The following NONO variants were observed in gnomAD, a reference collection of about 807,000 sequenced individuals.
The protein encoded by NONO is non-POU domain containing octamer binding, also known as non-POU domain-containing octamer-binding protein.
Under a neutral mutation model 40.2 loss-of-function variants are expected in NONO, and 6 were observed. That is an observed-to-expected ratio of 0.15 (90% CI 0.08 to 0.29). The LOEUF is 0.29. Ranked by LOEUF, NONO falls within the 10% of genes least tolerant of loss-of-function variation. The pLI, the probability that NONO is intolerant of heterozygous loss-of-function variation, is 1.00. For missense variants in NONO, 133 were observed against 397.8 expected (o/e 0.33, Z 5.66); for synonymous variants, 89 against 123.3 (o/e 0.72, Z 1.85).
rs2031546690 is a variant in NONO, at chrX:71,300,152, A to G, written c.*76A>G. On this transcript the variant is annotated 3_prime_UTR_variant, in exon 12 of 12. Transcript: ENST00000276079. ...GGACTAGCCAGAATTCTACCCTGGA[A>G]AAGTGTTAGGGATTCCTTCCAATAG... is the stretch of plus-strand genomic sequence containing the variant. 4.5e-6 allele frequency: 5 copies of G among 1,114,300 alleles called. No individual in the cohort carries two copies. The highest frequency in any genetic ancestry group is 2.2e-5 in the Admixed American group (1 of 45,394). 91.8% of individuals were successfully genotyped at this position (1,114,300 alleles called of 1,213,427 possible).
Position 71,298,584 on chromosome X carries a change from C to G in NONO, c.1171+76C>G, listed in dbSNP as rs748466415. 40 of 1,080,675 alleles carry G rather than the reference C, an allele frequency of 3.7e-5. No individual in the cohort carries two copies. In the East Asian group the frequency reaches 1.1e-3, roughly 29 times the overall value. The allele number at this position is 1,080,675 out of a possible 1,213,427, so 89.1% of individuals were successfully genotyped here. A position where few individuals can be genotyped will look rare whatever the true frequency, so the allele number is the denominator to read the frequency against. Reference sequence around the variant, plus strand: ...GGGTGAACTATGTAGCTTCTGCTGCCTACTTTAAGGGGGTGACATATATGT... The same window carrying G: ...GGGTGAACTATGTAGCTTCTGCTGCGTACTTTAAGGGGGTGACATATATGT... On this transcript the variant is annotated intron_variant, in intron 10 of 11. Transcript: ENST00000276079.
chrX:71,301,055 T>C lies in NONO; in HGVS notation c.*979T>C. The stretch of plus-strand genomic sequence containing the variant: ...CTATCTTAGGTAGTCATGCTGTGCA[T>C]TTTTTTTTTCATTGGTGTACTGTGT... On this transcript the variant is annotated 3_prime_UTR_variant, in exon 12 of 12. Coordinates refer to ENST00000276079, the MANE Select transcript of NONO (RefSeq NM_007363.5). 7.1e-6 allele frequency: 1 copy of C among 140,676 alleles called. No homozygotes were observed. The allele number at this position is 140,676 out of a possible 1,213,427, so 11.6% of individuals were successfully genotyped here.
At chrX:71,298,024 A>G (rs1207730595) in intron 9 of NONO, 86 bp downstream of exon 9, 8 of 602,040 alleles carry the variant, frequency 1.3e-5, no homozygotes, top group East Asian at 1.0e-4. Context: ...GTTATGACCA[A>G]TTTTCCCGTG....
intron 2 of NONO, among the ~76,000 whole-genome samples, chrX:71,288,920 C>G (rs1451989328): frequency 8.9e-6 from 1 of 112,031 alleles, no homozygotes; most frequent in Non-Finnish European, 1.9e-5. Flanking sequence ...GAACACAATT[C>G]AAACCTAAGG....
chrX:71,289,450 C>T (rs2031275073), intron 2 of NONO, among the ~76,000 whole-genome samples: 1 of 109,669 alleles, frequency 9.1e-6, no homozygotes, highest in African/African-American at 3.3e-5. Flanking sequence ...TGCCACCACG[C>T]CCGGCTAATT....
chrX:71,300,830 T>C lies in NONO; in HGVS notation c.*754T>C, dbSNP rs2031571832. 2 of 163,788 alleles carry C rather than the reference T, an allele frequency of 1.2e-5. No homozygotes were observed. The highest frequency in any genetic ancestry group is 2.4e-5 in the Non-Finnish European group (2 of 84,960). 13.5% of individuals were successfully genotyped at this position (163,788 alleles called of 1,213,427 possible). A position where few individuals can be genotyped will look rare whatever the true frequency, so the allele number is the denominator to read the frequency against. The stretch of plus-strand genomic sequence containing the variant: ...ATGTCCTAAAGAAGACATTTTCTCT[T>C]AGAGATTTTCATTTTAGTGTATCTT... On this transcript the variant is annotated 3_prime_UTR_variant, in exon 12 of 12. Coordinates refer to ENST00000276079, the MANE Select transcript of NONO (RefSeq NM_007363.5).
intron 2 of NONO, among the ~76,000 whole-genome samples, chrX:71,285,766 G>A (rs2031174808): frequency 9.0e-6 from 1 of 111,326 alleles, no homozygotes; most frequent in Non-Finnish European, 1.9e-5. Context: ...ATTGTGGGAG[G>A]AATATTTAAT....
At chrX:71,291,666 A>T in intron 3 of NONO, 113 bp from the exon 4 acceptor site, 1 of 589,839 alleles carries the variant, frequency 1.7e-6, no homozygotes, top group Non-Finnish European at 2.5e-6. Flanking sequence ...AATGGTGTTT[A>T]CATTCTCTAC....
intron 2 of NONO, among the ~76,000 whole-genome samples, chrX:71,288,188 G>C (rs1306231006): frequency 1.2e-5 from 1 of 86,949 alleles, no homozygotes; most frequent in African/African-American, 4.4e-5. Context: ...ATACAATGGC[G>C]TGATCACAGC....
In NONO at chrX:71,298,698, C is replaced by T; in HGVS notation, c.1172-9C>T. On this transcript the variant is annotated splice_polypyrimidine_tract_variant and intron_variant, in intron 10 of 11. Coordinates refer to ENST00000276079, the MANE Select transcript of NONO (RefSeq NM_007363.5). ...TATCCCTTGTGCTGATCACACTACT[C>T]TGCCTTAGGTGCTATGGGCATAAAC... is the stretch of plus-strand genomic sequence containing the variant. The T allele has an allele frequency of 8.4e-7, 1 of 1,196,025 alleles. No individual in the cohort carries two copies. Among genetic ancestry groups the T allele is most frequent in the Non-Finnish European group, 1.1e-6 (1 of 882,330 alleles).
In NONO at chrX:71,296,914, C is replaced by T. The variant is rs2031464069; in HGVS notation, c.810C>T (p.Arg270=). ...PGSFEYEYAM[R]WKALIEMEKQ... is the part of the protein sequence containing the mutation. The stretch of plus-strand genomic sequence containing the variant: ...CCTTTGAGTATGAATATGCCATGCG[C>T]TGGAAGGCACTCATTGAGATGGAGA... Residue 270 remains arginine (R), a synonymous_variant, in exon 7 of 12, where the codon CGC becomes CGT. Coordinates refer to ENST00000276079, the MANE Select transcript of NONO (RefSeq NM_007363.5). 1 of 1,210,172 alleles carries T rather than the reference C, an allele frequency of 8.3e-7. No individual in the cohort carries two copies. Among genetic ancestry groups the T allele is most frequent in the Non-Finnish European group, 1.1e-6 (1 of 894,593 alleles).
chrX:71,287,006 C>T (rs1024677131), intron 2 of NONO, among the ~76,000 whole-genome samples: 6 of 112,016 alleles, frequency 5.4e-5, no homozygotes, highest in African/African-American at 9.7e-5. Context: ...AAAGTATTCC[C>T]GTATACTCAT....
intron 3 of NONO, among the ~76,000 whole-genome samples, chrX:71,291,539 C>T (rs1306607115): frequency 9.0e-6 from 1 of 110,512 alleles, no homozygotes; most frequent in Non-Finnish European, 1.9e-5. Context: ...ATTTTTCTTT[C>T]TCTTGCTTAG....
chrX:71,295,615 A>T (rs1192573788), intron 5 of NONO, among the ~76,000 whole-genome samples: 2 of 108,517 alleles, frequency 1.8e-5, no homozygotes, highest in African/African-American at 6.7e-5. Context: ...AGGTGGTGAA[A>T]CCCCGTCTCT....
chrX:71,297,655 C>T, intron 8 of NONO, 181 bp from the exon 9 acceptor site: 3 of 486,683 alleles, frequency 6.2e-6, no homozygotes, highest in Non-Finnish European at 3.5e-6. Context: ...AAAAAGAAAG[C>T]AGCTGAATGC....
chrX:71,293,931 A>G (rs896898536), intron 4 of NONO: 11 of 295,506 alleles, frequency 3.7e-5, no homozygotes, highest in East Asian at 5.5e-5. Context: ...TACCCGGCCA[A>G]TGGTCTTTGT....
intron 2 of NONO, among the ~76,000 whole-genome samples, chrX:71,286,372 C>T (rs1001165671): frequency 1.8e-5 from 2 of 111,222 alleles, no homozygotes; most frequent in African/African-American, 6.5e-5. Flanking sequence ...ATATAATTTA[C>T]TTATATATAT....
At chrX:71,286,851 T>G (rs2031200064) in intron 2 of NONO, among the ~76,000 whole-genome samples, 1 of 112,128 alleles carries the variant, frequency 8.9e-6, no homozygotes, top group Admixed American at 9.5e-5. Context: ...ATTTCCAAAT[T>G]AAAGACTATG....
intron 5 of NONO, among the ~76,000 whole-genome samples, chrX:71,295,435 C>T (rs1003914756): frequency 4.6e-5 from 5 of 107,741 alleles, no homozygotes; most frequent in South Asian, 4.0e-4. Context: ...TGCAGTGAGC[C>T]GAGATTGCGC....
Sources: gnomAD v4.1 joint callset for allele counts (sites outside exome capture counted in the v4.1 genomes callset) on GRCh38, gnomAD v4.1.1 for gene constraint, MANE v1.5 for transcripts, NCBI Gene and HGNC (gene_info 2026-07-23, HGNC 2026-07-21) for gene names.